ADCY10: variants seen among roughly 807,000 people sequenced by gnomAD.
The protein encoded by ADCY10 is adenylate cyclase 10, also known as adenylate cyclase type 10.
A neutral mutation model predicts 183.3 loss-of-function variants in ADCY10; 156 were observed. The observed-to-expected ratio is 0.85, with a 90% CI of 0.75 to 0.97. ADCY10 has a LOEUF of 0.97. ADCY10 is among the 50% of genes least tolerant of loss of function. The pLI, the probability that ADCY10 is intolerant of heterozygous loss-of-function variation, is 0.00. For missense variants in ADCY10, 1,745 were observed against 1,934.3 expected, an observed-to-expected ratio of 0.90 and a Z score of 1.84; for synonymous variants, 645 against 670.0, an observed-to-expected ratio of 0.96 and a Z score of 0.58.
intron 8 of ADCY10, among the ~76,000 whole-genome samples, chr1:167,886,375 T>G (rs2102297793): frequency 1.3e-5 from 2 of 152,066 alleles, no homozygotes; most frequent in Middle Eastern, 6.8e-3. Flanking sequence ...ATGGAACAGA[T>G]CCCTCAGAAA....
At chr1:167,822,904 C>G (rs543294108) in intron 29 of ADCY10, 104 bp downstream of exon 29, 1 of 976,218 alleles carries the variant, frequency 1.0e-6, no homozygotes, top group African/African-American at 1.6e-5. Context: ...AGTCCACCAG[C>G]CAGAAACCTA....
chr1:167,819,763 C>T (rs1291004286), intron 30 of ADCY10: 1 of 401,874 alleles, frequency 2.5e-6, no homozygotes, highest in Non-Finnish European at 4.5e-6. Flanking sequence ...TGGGGTTTCT[C>T]CATGTTGGTC....
At chr1:167,893,765 C>A in intron 8 of ADCY10, 88 bp downstream of exon 8, 1 of 716,476 alleles carries the variant, frequency 1.4e-6, no homozygotes, top group East Asian at 3.2e-5. Flanking sequence ...TTACTAGTAG[C>A]TGCTGTTTTT....
chr1:167,862,588 A>G (rs1666362985), intron 14 of ADCY10, among the ~76,000 whole-genome samples: 1 of 152,224 alleles, frequency 6.6e-6, no homozygotes, highest in African/African-American at 2.4e-5. Flanking sequence ...ATCCATTTGT[A>G]GTACTTTTTT....
At chr1:167,864,686 C>T (rs1310872446) in intron 14 of ADCY10, among the ~76,000 whole-genome samples, 3 of 152,100 alleles carry the variant, frequency 2.0e-5, no homozygotes, top group Non-Finnish European at 4.4e-5. Flanking sequence ...ACCCTATTCC[C>T]TTTAAAAGCC....
intron 28 of ADCY10, 41 bp downstream of exon 28, chr1:167,824,435 C>T (rs1374561099): frequency 2.6e-6 from 4 of 1,539,516 alleles, no homozygotes; most frequent in African/African-American, 2.7e-5. Flanking sequence ...AATAATACGG[C>T]CTCCTCCCCC....
At chr1:167,895,126 G>A (rs1452732824) in intron 7 of ADCY10, among the ~76,000 whole-genome samples, 2 of 149,988 alleles carry the variant, frequency 1.3e-5, no homozygotes, top group African/African-American at 2.5e-5. Context: ...AGGTTGCAGT[G>A]AGCCCATATC....
rs79602588 is a variant in ADCY10 at position 167,833,317 on chromosome 1, T to C, written c.3418-155A>G. On this transcript the variant is annotated intron_variant, in intron 24 of 32. Transcript: ENST00000367851. ...TTCCTGTGCCTGGCATAATAGAAAA[T>C]GTCTATTGGATATATGCATGAAGGG... Among the ~76,000 whole-genome samples, 4,818 of 152,212 alleles carry C rather than the reference T, an allele frequency of 0.032. 139 individuals carry two copies. The highest frequency in any genetic ancestry group is 0.14 in the East Asian group (710 of 5,176).
rs771011563 is a variant in ADCY10, at chr1:167,834,089, CCAAGG to C, written c.3310-17_3310-13del. The stretch of plus-strand genomic sequence containing the variant: ...AAATACATGTATGCCTGTAACCAGC[CCAAGG>C]AGTAGAAAAGTGTTGATTCAGCAGG... On this transcript the variant is annotated splice_polypyrimidine_tract_variant and intron_variant, in intron 23 of 32. Coordinates refer to ENST00000367851, the MANE Select transcript of ADCY10 (RefSeq NM_018417.6). The C allele has an allele frequency of 1.3e-5, 21 of 1,598,738 alleles. No individual in the cohort carries two copies. In the African/African-American group the frequency reaches 2.0e-4, roughly 15 times the overall value.
In ADCY10 at chr1:167,899,472, T is replaced by C; in HGVS notation, c.593A>G (p.Asp198Gly). Reference sequence around the variant, plus strand: ...ACTCTCAATTTCAATCATGCTCCGGTCACAGAGCTGCCAGCAGTTTGGTGA... The same window carrying C: ...ACTCTCAATTTCAATCATGCTCCGGCCACAGAGCTGCCAGCAGTTTGGTGA... ...ILSPNCWQLC[D>G]RSMIEIESVP... is the part of the protein sequence containing the mutation. The change falls in exon 6 of 33, where the codon GAC becomes GGC. Residue 198 changes from aspartate to glycine, a missense_variant. Physicochemically the swap from Asp to Gly is moderately conservative, Grantham distance 94. Transcript: ENST00000367851. 6.2e-7 allele frequency: 1 copy of C among 1,614,178 alleles called. No individual in the cohort carries two copies. The highest frequency in any genetic ancestry group is 8.5e-7 in the Non-Finnish European group (1 of 1,180,042).
At chr1:167,856,925 A>G (rs919034011) in intron 16 of ADCY10, among the ~76,000 whole-genome samples, 1 of 152,328 alleles carries the variant, frequency 6.6e-6, no homozygotes, top group African/African-American at 2.4e-5. Flanking sequence ...CTGGCAGCCG[A>G]TGCTATTCTA....
At chr1:167,813,134 G>A (rs1438938368) in intron 31 of ADCY10, among the ~76,000 whole-genome samples, 1 of 152,056 alleles carries the variant, frequency 6.6e-6, no homozygotes, top group Non-Finnish European at 1.5e-5. Flanking sequence ...TAAAAGACAT[G>A]AATATAAACA....
At position 167,863,419 on chromosome 1, in the gene ADCY10, C is replaced by T. The variant is rs188973019; in HGVS notation, c.1617-2356G>A. ...ATCACGACCCTCTCATGCGGACCCC[C>T]TTAGAGTTGTGAGCCCTTAAAAGGG... On this transcript the variant is annotated intron_variant, in intron 14 of 32. Transcript: ENST00000367851. Among the ~76,000 whole-genome samples, 343 of 152,262 alleles carry T rather than the reference C, an allele frequency of 2.3e-3. 1 individual carries two copies. Among genetic ancestry groups the T allele is most frequent in the African/African-American group, 8.1e-3 (335 of 41,558 alleles).
chr1:167,824,526 T>C lies in ADCY10; in HGVS notation c.4002A>G (p.Arg1334=). ...QMWALLQNPN[R]HYQSLCRLSR... is the part of the protein sequence containing the mutation. ...TAAGTCTGCAGAGGGACTGATAATGTCGGTTGGGATTCTGGAGCAGTGCCC... is the reference window on the plus strand; with the variant it reads ...TAAGTCTGCAGAGGGACTGATAATGCCGGTTGGGATTCTGGAGCAGTGCCC... The change falls in exon 28 of 33, where the codon CGA becomes CGG. Residue 1334 remains arginine (R), a synonymous_variant. Coordinates refer to ENST00000367851, the MANE Select transcript of ADCY10 (RefSeq NM_018417.6). 5 of 1,614,160 alleles carry C rather than the reference T, an allele frequency of 3.1e-6. No individual in the cohort carries two copies. The highest frequency in any genetic ancestry group is 4.2e-6 in the Non-Finnish European group (5 of 1,180,020).
At chr1:167,877,959 A>G (rs1354631001) in intron 12 of ADCY10, among the ~76,000 whole-genome samples, 1 of 152,204 alleles carries the variant, frequency 6.6e-6, no homozygotes, top group Non-Finnish European at 1.5e-5. Context: ...TCACCATGAA[A>G]ATGACTGAAA....
chr1:167,829,610 A>T lies in ADCY10; in HGVS notation c.3594-187T>A, dbSNP rs149538734. ...ATGGAGCACATTTTCTTCATTGTAAAATGGGAATCATAATACCTACTTTAT... is the reference window on the plus strand; with the variant it reads ...ATGGAGCACATTTTCTTCATTGTAATATGGGAATCATAATACCTACTTTAT... On this transcript the variant is annotated intron_variant, in intron 25 of 32. Coordinates refer to ENST00000367851, the MANE Select transcript of ADCY10 (RefSeq NM_018417.6). 3.7e-3 allele frequency among the ~76,000 whole-genome samples: 561 copies of T among 152,326 alleles called. 6 individuals are homozygous for T. The highest frequency in any genetic ancestry group is 0.013 in the African/African-American group (530 of 41,578).
chr1:167,880,026 C>T, intron 11 of ADCY10, 89 bp downstream of exon 11: 1 of 1,097,920 alleles, frequency 9.1e-7, no homozygotes, highest in Non-Finnish European at 1.4e-6. Flanking sequence ...GCTCATGTCT[C>T]ACTCATTTTT....
At chr1:167,865,923 A>C (rs1157269435) in intron 14 of ADCY10, among the ~76,000 whole-genome samples, 1 of 152,300 alleles carries the variant, frequency 6.6e-6, no homozygotes, top group Non-Finnish European at 1.5e-5. Context: ...AAGTCATGCC[A>C]AACTCTCTCT....
rs562279967 is a variant in ADCY10 at position 167,828,911 on chromosome 1, G to A, written c.3750+356C>T. Among the ~76,000 whole-genome samples the A allele has an allele frequency of 2.6e-5, 4 of 152,150 alleles. No homozygotes were observed. In the South Asian group the frequency reaches 6.2e-4, roughly 24 times the overall value. On this transcript the variant is annotated intron_variant, in intron 26 of 32. Transcript: ENST00000367851. The stretch of plus-strand genomic sequence containing the variant: ...CGGGAAGTGGAGGTTGCAGTGAGCC[G>A]ATATTGTGCCACTGCACTCCAGCCT...
Sources: gnomAD v4.1 joint callset for allele counts (sites outside exome capture counted in the v4.1 genomes callset) on GRCh38, gnomAD v4.1.1 for gene constraint, MANE v1.5 for transcripts, NCBI Gene and HGNC (gene_info 2026-07-23, HGNC 2026-07-21) for gene names.